The following TBC1D25 variants were observed in gnomAD, a reference collection of about 807,000 sequenced individuals.
TBC1D25 encodes TBC1 domain family member 25.
A neutral mutation model predicts 38.8 loss-of-function variants in TBC1D25; 13 were observed. That is an observed-to-expected ratio of 0.34 (90% CI 0.22 to 0.53). The LOEUF is 0.53. TBC1D25 is among the 20% of genes least tolerant of loss of function. TBC1D25 has a pLI of 0.94. For synonymous variants in TBC1D25, 225 were observed against 255.6 expected, an observed-to-expected ratio of 0.88 and a Z score of 1.14; for missense variants, 372 against 600.0, an observed-to-expected ratio of 0.62 and a Z score of 3.97.
At chrX:48,551,862 C>T (rs186165005) in intron 3 of TBC1D25, among the ~76,000 whole-genome samples, 63 of 110,091 alleles carry the variant, frequency 5.7e-4, no homozygotes, top group African/African-American at 1.9e-3. Context: ...CCTTGTGATC[C>T]GCCCACCTCA....
intron 3 of TBC1D25, among the ~76,000 whole-genome samples, chrX:48,551,685 G>A (rs911741119): frequency 2.1e-4 from 22 of 103,266 alleles, no homozygotes; most frequent in African/African-American, 5.8e-4. Flanking sequence ...GTGCAGTGGC[G>A]CGATCTCAGC....
chrX:48,561,003 C>T lies in TBC1D25; in HGVS notation c.*28C>T, dbSNP rs782636351. ...AGGCTTTCTCAAGCCCTCCATCGGC[C>T]CCACCAGATCTCCATTCTTTGCCAT... On this transcript the variant is annotated 3_prime_UTR_variant, in exon 6 of 6. Coordinates refer to ENST00000376771, the MANE Select transcript of TBC1D25 (RefSeq NM_002536.4). 70 of 1,151,603 alleles carry T rather than the reference C, an allele frequency of 6.1e-5. No homozygotes were observed. Among genetic ancestry groups the T allele is most frequent in the Non-Finnish European group, 7.8e-5 (68 of 869,268 alleles). The allele number at this position is 1,151,603 out of a possible 1,213,427, so 94.9% of individuals were successfully genotyped here.
intron 2 of TBC1D25, among the ~76,000 whole-genome samples, chrX:48,542,614 A>G (rs2061850031): frequency 9.3e-6 from 1 of 107,523 alleles, no homozygotes; most frequent in Non-Finnish European, 1.9e-5. Context: ...CAGCCTCCAG[A>G]GTAGCTGGGA....
Position 48,562,250 on chromosome X carries a change from G to A in TBC1D25, c.*1275G>A, listed in dbSNP as rs782310960. On this transcript the variant is annotated 3_prime_UTR_variant, in exon 6 of 6. Transcript: ENST00000376771. ...GATGGTATGGCTGTAGACCAGGCTG[G>A]GTTCTGGCCAGAGCTGTTGCACTAG... is the stretch of plus-strand genomic sequence containing the variant. The A allele has an allele frequency of 8.9e-6, 1 of 111,989 alleles. No homozygotes were observed. Among genetic ancestry groups the A allele is most frequent in the Non-Finnish European group, 1.9e-5 (1 of 53,216 alleles). 9.2% of individuals were successfully genotyped at this position (111,989 alleles called of 1,213,427 possible).
At chrX:48,559,126 C>G (rs782005720) in intron 4 of TBC1D25, 32 bp from the exon 5 acceptor site, 1 of 1,204,985 alleles carries the variant, frequency 8.3e-7, no homozygotes, top group South Asian at 1.8e-5. Flanking sequence ...CTAGTCCACA[C>G]AGCTGATGGT....
At position 48,561,350 on chromosome X, in the gene TBC1D25, G is replaced by T; in HGVS notation, c.*375G>T. The T allele has an allele frequency of 6.0e-6, 1 of 166,896 alleles. No homozygotes were observed. 13.8% of individuals were successfully genotyped at this position (166,896 alleles called of 1,213,427 possible). A position where few individuals can be genotyped will look rare whatever the true frequency, so the allele number is the denominator to read the frequency against. On this transcript the variant is annotated 3_prime_UTR_variant, in exon 6 of 6. Coordinates refer to ENST00000376771, the MANE Select transcript of TBC1D25 (RefSeq NM_002536.4). ...GGCTCCAGCTTCCCCCTTGTGATGG[G>T]GAGAGTGGATGCTGACAATCAGTTC...
At position 48,560,130 on chromosome X, in the gene TBC1D25, C is replaced by T; in HGVS notation, c.1222C>T (p.Arg408Cys). ...CGCTGATGACCTCTTCTTCTGTTAC[C>T]GCTGGCTGCTGCTGGAACTCAAGCG... ...AGADDLFFCYRWLLLELKREF... is the reference protein window; with the variant it reads ...AGADDLFFCYCWLLLELKREF... The change falls in exon 6 of 6, where the codon CGC becomes TGC. Residue 408 changes from arginine to cysteine, a missense_variant. This residue lies in a region of TBC1D25 where 312 missense variants were observed against 549.3 expected (regional missense o/e 0.57). Coordinates refer to ENST00000376771, the MANE Select transcript of TBC1D25 (RefSeq NM_002536.4). 1.7e-6 allele frequency: 2 copies of T among 1,209,349 alleles called. No homozygotes were observed. Among genetic ancestry groups the T allele is most frequent in the Non-Finnish European group, 2.2e-6 (2 of 894,346 alleles).
intron 3 of TBC1D25, among the ~76,000 whole-genome samples, chrX:48,546,438 G>A (rs932497610): frequency 1.8e-5 from 2 of 109,555 alleles, no homozygotes; most frequent in African/African-American, 3.3e-5. Context: ...GCATGAACCC[G>A]GGAGGCGGAG....
chrX:48,555,504 G>A (rs1238626777), intron 3 of TBC1D25, among the ~76,000 whole-genome samples: 2 of 112,471 alleles, frequency 1.8e-5, no homozygotes, highest in African/African-American at 6.5e-5. Flanking sequence ...TGTAATCCCA[G>A]CACTTTGGGA....
chrX:48,551,569 G>A (rs1469329117), intron 3 of TBC1D25, among the ~76,000 whole-genome samples: 6 of 109,505 alleles, frequency 5.5e-5, no homozygotes, highest in Admixed American at 3.0e-4. Context: ...CTTGTGATCC[G>A]CCCGCCTTGC....
At position 48,559,271 on chromosome X, in the gene TBC1D25, C is replaced by G. The variant is rs782774411; in HGVS notation, c.630C>G (p.His210Gln). 2 of 1,211,144 alleles carry G rather than the reference C, an allele frequency of 1.7e-6. No homozygotes were observed. Among genetic ancestry groups the G allele is most frequent in the Non-Finnish European group, 2.2e-6 (2 of 895,271 alleles). ...CTGAGTTTCACACGTACCTGAACCA[C>G]GAGGGCCAGCTCTCCCGACCCGAGG... ...SDAEFHTYLNHEGQLSRPEEL... is the reference protein window; with the variant it reads ...SDAEFHTYLNQEGQLSRPEEL... Residue 210 changes from histidine to glutamine, a missense_variant, in exon 5 of 6, where the codon CAC (histidine) becomes CAG (glutamine). By Grantham distance (24) the His-to-Gln change is conservative (BLOSUM62 0). Coordinates refer to ENST00000376771, the MANE Select transcript of TBC1D25 (RefSeq NM_002536.4).
chrX:48,559,604 C>A lies in TBC1D25; in HGVS notation c.706-10C>A. ...AGAACTCCAGCCTCATCCCTTTCACCCCTGGGCAGGTGGTGTGGCGGTACC... is the reference window on the plus strand; with the variant it reads ...AGAACTCCAGCCTCATCCCTTTCACACCTGGGCAGGTGGTGTGGCGGTACC... On this transcript the variant is annotated splice_polypyrimidine_tract_variant and intron_variant, in intron 5 of 5. Coordinates refer to ENST00000376771, the MANE Select transcript of TBC1D25 (RefSeq NM_002536.4). The A allele has an allele frequency of 3.3e-6, 4 of 1,204,271 alleles. No homozygotes were observed. The highest frequency in any genetic ancestry group is 4.5e-6 in the Non-Finnish European group (4 of 891,220).
intron 1 of TBC1D25, 46 bp from the exon 2 acceptor site, chrX:48,541,287 T>C (rs1328143418): frequency 8.8e-7 from 1 of 1,130,081 alleles, no homozygotes; most frequent in Non-Finnish European, 1.2e-6. Flanking sequence ...CTCTTCAGCA[T>C]GGTGATGGGG....
chrX:48,553,616 C>CTTTTT lies in TBC1D25; in HGVS notation c.389-5263_389-5259dup, dbSNP rs1209605714. ...GGAAGCTGCAAGAGTTTTTCTTTTT[C>CTTTTT]TTTTTTTTTTTTTTTTTTTTTTGAG... On this transcript the variant is annotated intron_variant, in intron 3 of 5. Coordinates refer to ENST00000376771, the MANE Select transcript of TBC1D25 (RefSeq NM_002536.4). 2.3e-3 allele frequency among the ~76,000 whole-genome samples: 124 copies of CTTTTT among 52,974 alleles called. 1 individual carries two copies. Among genetic ancestry groups the CTTTTT allele is most frequent in the Middle Eastern group, 0.011 (1 of 88 alleles). The allele number at this position is 52,974 out of a possible 115,157, so 46.0% of individuals were successfully genotyped here.
At chrX:48,553,043 G>A (rs1556983701) in intron 3 of TBC1D25, among the ~76,000 whole-genome samples, 4 of 109,917 alleles carry the variant, frequency 3.6e-5, no homozygotes, top group Admixed American at 2.0e-4. Flanking sequence ...GCCTGCCTCG[G>A]CTTCCCAAAG....
chrX:48,555,881 TATCTC>T (rs1248184620), intron 3 of TBC1D25, among the ~76,000 whole-genome samples: 1 of 109,613 alleles, frequency 9.1e-6, no homozygotes, highest in Admixed American at 1.0e-4. Context: ...TTTACACAAA[TATCTC>T]AGTGTAGCAA....
intron 1 of TBC1D25, 179 bp from the exon 2 acceptor site, chrX:48,541,154 A>G: frequency 4.3e-6 from 2 of 463,387 alleles, no homozygotes; most frequent in Non-Finnish European, 7.6e-6. Context: ...GATATAGAAG[A>G]AGGATTGGGG....
Position 48,560,997 on chromosome X carries a change from A to G in TBC1D25, c.*22A>G. ...TTGATCAGGCTTTCTCAAGCCCTCC[A>G]TCGGCCCCACCAGATCTCCATTCTT... On this transcript the variant is annotated 3_prime_UTR_variant, in exon 6 of 6. Coordinates refer to ENST00000376771, the MANE Select transcript of TBC1D25 (RefSeq NM_002536.4). The G allele has an allele frequency of 8.6e-7, 1 of 1,164,877 alleles. No individual in the cohort carries two copies. Among genetic ancestry groups the G allele is most frequent in the African/African-American group, 1.8e-5 (1 of 57,001 alleles).
chrX:48,547,170 G>A (rs1045982283), intron 3 of TBC1D25, among the ~76,000 whole-genome samples: 1 of 112,042 alleles, frequency 8.9e-6, no homozygotes, highest in Non-Finnish European at 1.9e-5. Context: ...GACAGGACTC[G>A]TCCCAGTTAT....
Sources: allele counts gnomAD v4.1 joint callset (sites outside exome capture counted in the v4.1 genomes callset), GRCh38; gene constraint gnomAD v4.1.1; regional missense constraint gnomAD v4.1.1; transcripts MANE v1.5; gene names NCBI Gene and HGNC (gene_info 2026-07-23, HGNC 2026-07-21).